Variants in TMCC1 observed in about 807,000 individuals in gnomAD.
TMCC1 encodes the protein transmembrane and coiled-coil domains protein 1.
In TMCC1, 15 loss-of-function variants were observed where a neutral mutation model predicts 52.4. That is an observed-to-expected ratio of 0.29 (90% CI 0.19 to 0.44). The LOEUF (loss-of-function observed/expected upper bound fraction) is 0.44. Among genes scored for constraint, TMCC1 ranks in the 20% least tolerant of loss-of-function variants. The pLI, the probability that TMCC1 is intolerant of heterozygous loss-of-function variation, is 1.00. For missense variants in TMCC1, 503 were observed against 806.0 expected (o/e 0.62, Z 4.55); for synonymous variants, 279 against 301.9 (o/e 0.92, Z 0.79).
At position 129,648,649 on chromosome 3, in the gene TMCC1, G is replaced by A. The variant is rs1457067632; in HGVS notation, c.*2832C>T. On this transcript the variant is annotated 3_prime_UTR_variant, in exon 7 of 7. Transcript: ENST00000393238. ...GCTAGAGGCATGGACAAATAAACCA[G>A]GAATGTTTCATTTTAAAGGGAATGA... The A allele has an allele frequency of 6.6e-6, 1 of 151,746 alleles. No homozygotes were observed. The highest frequency in any genetic ancestry group is 2.4e-5 in the African/African-American group (1 of 41,324). 9.4% of individuals were successfully genotyped at this position (151,746 alleles called of 1,614,324 possible).
chr3:129,681,655 C>T (rs538623904), intron 4 of TMCC1, among the ~76,000 whole-genome samples: 2 of 152,078 alleles, frequency 1.3e-5, no homozygotes, highest in Admixed American at 1.3e-4. Context: ...CGTCTGTAAT[C>T]CCAGAACTTT....
chr3:129,795,651 G>A (rs910353050), intron 4 of TMCC1, among the ~76,000 whole-genome samples: 4 of 152,192 alleles, frequency 2.6e-5, no homozygotes, highest in Non-Finnish European at 4.4e-5. Flanking sequence ...CTTACCTACA[G>A]TTTGTTCCCA....
chr3:129,749,860 G>C (rs910359344), intron 4 of TMCC1, among the ~76,000 whole-genome samples: 2 of 146,990 alleles, frequency 1.4e-5, no homozygotes, highest in Non-Finnish European at 3.1e-5. Flanking sequence ...TCCAATATTT[G>C]AATCTATGAT....
intron 4 of TMCC1, among the ~76,000 whole-genome samples, chr3:129,698,446 T>A (rs1451177697): frequency 6.6e-6 from 1 of 152,156 alleles, no homozygotes; most frequent in Non-Finnish European, 1.5e-5. Flanking sequence ...GGTGGGGACA[T>A]AGCCAAACCA....
Position 129,828,058 on chromosome 3 carries a change from C to T in TMCC1, c.321G>A (p.Gln107=). 6.2e-7 allele frequency: 1 copy of T among 1,614,164 alleles called. No individual in the cohort carries two copies. The change falls in exon 4 of 7, where the codon CAG becomes CAA. Residue 107 remains glutamine, a synonymous_variant. Coordinates refer to ENST00000393238, the MANE Select transcript of TMCC1 (RefSeq NM_001017395.5). The surrounding 1 kb of genome is among the most constrained non-coding windows in gnomAD (Gnocchi z 4.1). ...THPTALNRVL[Q]QIRVPPKMKR... ...TCATCTTGGGTGGCACTCGAATCTG[C>T]TGCAGGACACGATTCAGAGCTGTGG...
intron 2 of TMCC1, among the ~76,000 whole-genome samples, chr3:129,834,507 CTACT>C (rs2059067889): frequency 6.6e-6 from 1 of 152,086 alleles, no homozygotes; most frequent in Non-Finnish European, 1.5e-5. Flanking sequence ...CAAAACAGGT[CTACT>C]GACTAAAATT....
intron 2 of TMCC1, among the ~76,000 whole-genome samples, chr3:129,859,790 C>G (rs1476710489): frequency 6.6e-6 from 1 of 152,112 alleles, no homozygotes; most frequent in Non-Finnish European, 1.5e-5. Flanking sequence ...AAAAAATAAA[C>G]ATATCTAGGA....
At chr3:129,840,352 C>T (rs968901611) in intron 2 of TMCC1, among the ~76,000 whole-genome samples, 3 of 122,524 alleles carry the variant, frequency 2.4e-5, no homozygotes, top group Non-Finnish European at 3.4e-5. Flanking sequence ...AAAGCAAGAT[C>T]AAGCTATATT....
At chr3:129,679,250 T>C (rs2088750689) in intron 4 of TMCC1, among the ~76,000 whole-genome samples, 1 of 152,196 alleles carries the variant, frequency 6.6e-6, no homozygotes, top group Non-Finnish European at 1.5e-5. Context: ...GTCACCTCCT[T>C]TAAGTCTTTG....
intron 4 of TMCC1, among the ~76,000 whole-genome samples, chr3:129,797,455 G>A (rs981452473): frequency 6.6e-6 from 1 of 152,084 alleles, no homozygotes; most frequent in Non-Finnish European, 1.5e-5. Flanking sequence ...TATATAAAAC[G>A]TTTAGGCTGG....
At chr3:129,857,914 T>C (rs1031836494) in intron 2 of TMCC1, among the ~76,000 whole-genome samples, 1 of 152,220 alleles carries the variant, frequency 6.6e-6, no homozygotes, top group Admixed American at 6.5e-5. Flanking sequence ...ACAATAATCC[T>C]GTGAGGTACT....
chr3:129,850,853 A>T (rs1438708741), intron 2 of TMCC1, among the ~76,000 whole-genome samples: 1 of 152,244 alleles, frequency 6.6e-6, no homozygotes, highest in Non-Finnish European at 1.5e-5. Context: ...AAATAAAGGG[A>T]TGGGTTGGGC....
At chr3:129,757,944 T>C (rs2053167137) in intron 4 of TMCC1, among the ~76,000 whole-genome samples, 1 of 151,968 alleles carries the variant, frequency 6.6e-6, no homozygotes, top group African/African-American at 2.4e-5. Context: ...TTGATGTATG[T>C]GAACTTAGAA....
At chr3:129,777,027 A>G (rs959504507) in intron 4 of TMCC1, among the ~76,000 whole-genome samples, 3 of 152,188 alleles carry the variant, frequency 2.0e-5, no homozygotes, top group Non-Finnish European at 4.4e-5. Flanking sequence ...ATTGTTTGCC[A>G]TGTACCAGGA....
chr3:129,669,538 G>A (rs1576378115), intron 5 of TMCC1, among the ~76,000 whole-genome samples: 1 of 151,742 alleles, frequency 6.6e-6, no homozygotes, highest in Non-Finnish European at 1.5e-5. Context: ...GGGTTCAAGC[G>A]ACTCTCCTGC....
At chr3:129,850,179 C>A (rs549493047) in intron 2 of TMCC1, among the ~76,000 whole-genome samples, 33 of 152,180 alleles carry the variant, frequency 2.2e-4, no homozygotes, top group African/African-American at 8.0e-4. Context: ...GTCCTATTCT[C>A]CTCTGTCCTT....
In TMCC1 at chr3:129,813,853, T is replaced by C. The variant is rs541300597; in HGVS notation, c.576+13950A>G. Among the ~76,000 whole-genome samples, 28 of 152,272 alleles carry C rather than the reference T, an allele frequency of 1.8e-4. No homozygotes were observed. In the South Asian group the frequency reaches 5.6e-3, roughly 30 times the overall value. On this transcript the variant is annotated intron_variant, in intron 4 of 6. Coordinates refer to ENST00000393238, the MANE Select transcript of TMCC1 (RefSeq NM_001017395.5). ...CCATTTCTACTGAAGAAGAGATTAT[T>C]CTTAAGGAAATAGTACTTATATATG...
chr3:129,712,485 T>C (rs1276363658), intron 4 of TMCC1, among the ~76,000 whole-genome samples: 1 of 152,232 alleles, frequency 6.6e-6, no homozygotes, highest in East Asian at 1.9e-4. Context: ...TCTTGGTTTG[T>C]TGCCCAGGCT....
At chr3:129,802,122 T>C (rs986028815) in intron 4 of TMCC1, among the ~76,000 whole-genome samples, 1 of 152,196 alleles carries the variant, frequency 6.6e-6, no homozygotes, top group East Asian at 1.9e-4. Flanking sequence ...AGTCTTGTCT[T>C]GGGATTAATA....
Sources: gnomAD v4.1 joint callset for allele counts (sites outside exome capture counted in the v4.1 genomes callset) on GRCh38, gnomAD v4.1.1 for gene constraint, Gnocchi (gnomAD v3.1) non-coding constraint, MANE v1.5 for transcripts, NCBI Gene and HGNC (gene_info 2026-07-23, HGNC 2026-07-21) for gene names.